Variants in OPCML observed in about 807,000 individuals in gnomAD.
OPCML encodes the protein opioid-binding protein/cell adhesion molecule.
OPCML carries 13 observed loss-of-function variants against 37.8 expected under a neutral mutation model. The observed-to-expected ratio is 0.34, with a 90% CI of 0.22 to 0.55. OPCML has a LOEUF of 0.55. OPCML is among the 20% of genes least tolerant of loss of function. The pLI is 0.91. For synonymous variants in OPCML, 176 were observed against 168.8 expected (o/e 1.04, Z -0.33); for missense variants, 341 against 435.6 (o/e 0.78, Z 1.93).
chr11:132,783,483 G>A (rs1947102573), intron 2 of OPCML, among the ~76,000 whole-genome samples: 1 of 152,092 alleles, frequency 6.6e-6, no homozygotes, highest in African/African-American at 2.4e-5. Flanking sequence ...GTTTTCCTAG[G>A]TGGCTTGCTC....
chr11:133,195,867 T>A (rs551024184), intron 1 of OPCML, among the ~76,000 whole-genome samples: 134 of 152,298 alleles, frequency 8.8e-4, no homozygotes, highest in African/African-American at 3.2e-3. Context: ...ATGATATATA[T>A]TGCCATACTA....
intron 1 of OPCML, among the ~76,000 whole-genome samples, chr11:133,025,726 A>ATT (rs869296316): frequency 3.2e-3 from 294 of 91,272 alleles, no homozygotes; most frequent in Non-Finnish European, 4.7e-3. Flanking sequence ...TGCCGATTTG[A>ATT]TTTTTTTTTT....
At chr11:133,387,482 C>G (rs980884238) in intron 1 of OPCML, among the ~76,000 whole-genome samples, 5 of 152,156 alleles carry the variant, frequency 3.3e-5, no homozygotes, top group African/African-American at 1.2e-4. Context: ...CTTTCAGTGC[C>G]CCAACAGGCA....
At chr11:133,260,199 G>A (rs756739531) in intron 1 of OPCML, among the ~76,000 whole-genome samples, 7 of 151,900 alleles carry the variant, frequency 4.6e-5, no homozygotes, top group Non-Finnish European at 8.8e-5. Context: ...AAGAAGGTGG[G>A]AGCCGTGCAT....
intron 4 of OPCML, among the ~76,000 whole-genome samples, chr11:132,441,522 A>G (rs1156444912): frequency 6.6e-6 from 1 of 152,188 alleles, no homozygotes; most frequent in Non-Finnish European, 1.5e-5. Context: ...CTTGTCAAAC[A>G]GGAACTGCAA....
chr11:133,203,644 T>C (rs2136323851), intron 1 of OPCML, among the ~76,000 whole-genome samples: 1 of 152,354 alleles, frequency 6.6e-6, no homozygotes, highest in South Asian at 2.1e-4. Flanking sequence ...TGTCTGTGAA[T>C]GATTATAAAA....
rs77834237 is a variant in OPCML, at chr11:132,542,481, G to A, written c.380-13295C>T. ...TGCATAGCACCCAGTCTCTATCCAGGTCTGGAGCACAGCCTTTGGAAGCCA... is the reference window on the plus strand; with the variant it reads ...TGCATAGCACCCAGTCTCTATCCAGATCTGGAGCACAGCCTTTGGAAGCCA... On this transcript the variant is annotated intron_variant, in intron 3 of 7. Transcript: ENST00000524381. 2.5e-3 allele frequency among the ~76,000 whole-genome samples: 381 copies of A among 152,162 alleles called. 3 individuals are homozygous for A. Among genetic ancestry groups the A allele is most frequent in the African/African-American group, 8.6e-3 (356 of 41,510 alleles).
At chr11:132,871,226 A>AAGAC (rs1396309936) in intron 2 of OPCML, among the ~76,000 whole-genome samples, 2 of 151,900 alleles carry the variant, frequency 1.3e-5, no homozygotes, top group East Asian at 3.9e-4. Context: ...AAAAAAAAAA[A>AAGAC]AGACAGTCAG....
intron 1 of OPCML, among the ~76,000 whole-genome samples, chr11:133,436,087 A>T (rs1946227113): frequency 6.6e-6 from 1 of 152,228 alleles, no homozygotes; most frequent in African/African-American, 2.4e-5. Context: ...TCAATTGAGG[A>T]TTGTGTAGTA....
chr11:133,239,577 C>G lies in OPCML; in HGVS notation c.61+292687G>C, dbSNP rs12270985. 1.4e-3 allele frequency among the ~76,000 whole-genome samples: 208 copies of G among 152,362 alleles called. 1 individual carries two copies. The highest frequency in any genetic ancestry group is 4.6e-3 in the African/African-American group (192 of 41,592). ...AGCACAGGCCAACTTAGGGCAGCCT[C>G]TGCAGCAGACACCCCACCCGCTGCC... On this transcript the variant is annotated intron_variant, in intron 1 of 7. Coordinates refer to ENST00000524381, the MANE Select transcript of OPCML (RefSeq NM_001012393.5).
chr11:133,030,989 G>A (rs1359089127), intron 1 of OPCML, among the ~76,000 whole-genome samples: 2 of 151,994 alleles, frequency 1.3e-5, no homozygotes, highest in Non-Finnish European at 2.9e-5. Context: ...GTTTCTTCGT[G>A]TTCCCTTCCC....
intron 1 of OPCML, among the ~76,000 whole-genome samples, chr11:133,195,330 T>C (rs924679821): frequency 6.6e-6 from 1 of 152,188 alleles, no homozygotes; most frequent in South Asian, 2.1e-4. Context: ...AGCGGTTCAA[T>C]AAATGCTCAT....
At chr11:132,476,679 G>T (rs1405869189) in intron 4 of OPCML, among the ~76,000 whole-genome samples, 26 of 151,922 alleles carry the variant, frequency 1.7e-4, no homozygotes. Context: ...ATCACACACA[G>T]GGGACTGTTT....
intron 1 of OPCML, among the ~76,000 whole-genome samples, chr11:133,470,588 TGGTA>T (rs1947084558): frequency 6.6e-6 from 1 of 152,088 alleles, no homozygotes; most frequent in Non-Finnish European, 1.5e-5. Flanking sequence ...CCCTGACCAG[TGGTA>T]GGATTTCTGG....
intron 1 of OPCML, among the ~76,000 whole-genome samples, chr11:133,044,955 C>A (rs530810324): frequency 9.9e-5 from 15 of 152,136 alleles, no homozygotes; most frequent in Admixed American, 9.8e-4. Context: ...TGATCTGGAA[C>A]CTCTCCTCTC....
intron 1 of OPCML, among the ~76,000 whole-genome samples, chr11:133,487,833 C>G (rs1213061074): frequency 1.3e-5 from 2 of 151,598 alleles, no homozygotes; most frequent in African/African-American, 4.8e-5. Context: ...TAATCCCAAT[C>G]AGAATCTCAG....
At chr11:133,179,084 C>T (rs796371686) in intron 1 of OPCML, among the ~76,000 whole-genome samples, 70 of 152,220 alleles carry the variant, frequency 4.6e-4, no homozygotes, top group African/African-American at 1.7e-3. Context: ...AGGCTAGAGA[C>T]CCCTCTGGCC....
At chr11:132,969,398 G>A (rs1946289757) in intron 1 of OPCML, among the ~76,000 whole-genome samples, 1 of 151,998 alleles carries the variant, frequency 6.6e-6, no homozygotes, top group African/African-American at 2.4e-5. Context: ...GATGCTTATG[G>A]GTGTGGATGT....
At chr11:133,073,678 C>T (rs1173633230) in intron 1 of OPCML, among the ~76,000 whole-genome samples, 1 of 152,180 alleles carries the variant, frequency 6.6e-6, no homozygotes, top group Non-Finnish European at 1.5e-5. Flanking sequence ...GTAGCAAATG[C>T]GAAGTCACCG....
Sources: allele counts gnomAD v4.1 joint callset (sites outside exome capture counted in the v4.1 genomes callset), GRCh38; gene constraint gnomAD v4.1.1; transcripts MANE v1.5; gene names NCBI Gene and HGNC (gene_info 2026-07-23, HGNC 2026-07-21).